The following B4GALNT3 variants were observed in gnomAD, a reference collection of about 807,000 sequenced individuals.
B4GALNT3 encodes beta-1,4-N-acetyl-galactosaminyltransferase 3.
Under a neutral mutation model 120.2 loss-of-function variants are expected in B4GALNT3, and 86 were observed. The observed-to-expected ratio is 0.72, with a 90% CI of 0.60 to 0.86. The LOEUF is 0.86. Ranked by LOEUF, B4GALNT3 falls within the 40% of genes least tolerant of loss-of-function variation. The pLI is 0.00. For missense variants in B4GALNT3, 1,167 were observed against 1,298.9 expected, an observed-to-expected ratio of 0.90 and a Z score of 1.56; for synonymous variants, 518 against 510.4, an observed-to-expected ratio of 1.01 and a Z score of -0.20.
chr12:552,142 A>C lies in B4GALNT3; in HGVS notation c.1187A>C (p.Glu396Ala). 15 of 1,611,784 alleles carry C rather than the reference A, an allele frequency of 9.3e-6. No individual in the cohort carries two copies. Among genetic ancestry groups the C allele is most frequent in the Non-Finnish European group, 1.3e-5 (15 of 1,177,906 alleles). ...ACCCACAATAAATGTTTCTACCAGG[A>C]AAACGCCTACTACCAAGACCGGTGA... The part of the protein sequence containing the change: ...METHNKCFYQ[E>A]NAYYQDRFSF... Residue 396 changes from glutamate (E) to alanine (A), a missense_variant, in exon 12 of 20, where the codon GAA (glutamate) becomes GCA (alanine). Transcript: ENST00000266383.
intron 5 of B4GALNT3, 29 bp from the exon 6 acceptor site, chr12:545,340 C>T: frequency 1.3e-6 from 2 of 1,593,232 alleles, no homozygotes; most frequent in Non-Finnish European, 1.7e-6. Context: ...CCTCCTTGCC[C>T]TCATCTGGAA....
intron 17 of B4GALNT3, 68 bp from the exon 18 acceptor site, chr12:558,440 T>C (rs1947185545): frequency 6.7e-7 from 1 of 1,488,788 alleles, no homozygotes. Context: ...AGGCTTCTCC[T>C]AGACGGCGAC....
At chr12:466,890 C>T (rs757361094) in intron 1 of B4GALNT3, among the ~76,000 whole-genome samples, 3 of 151,686 alleles carry the variant, frequency 2.0e-5, no homozygotes, top group Non-Finnish European at 4.4e-5. Flanking sequence ...AGTATATGTA[C>T]GGAAAGCTTG....
At chr12:525,550 T>C (rs1289485672) in intron 1 of B4GALNT3, among the ~76,000 whole-genome samples, 1 of 152,250 alleles carries the variant, frequency 6.6e-6, no homozygotes, top group African/African-American at 2.4e-5. Flanking sequence ...TCTTCAGTTT[T>C]TTCATTCTGG....
chr12:538,041 T>C (rs899978778), intron 3 of B4GALNT3, among the ~76,000 whole-genome samples: 3 of 152,222 alleles, frequency 2.0e-5, no homozygotes, highest in African/African-American at 7.2e-5. Context: ...GATAGTACTT[T>C]GAAAAGAACT....
intron 7 of B4GALNT3, 152 bp downstream of exon 7, chr12:546,865 C>T (rs1947014102): frequency 7.0e-6 from 5 of 715,646 alleles, no homozygotes; most frequent in East Asian, 5.4e-5. Context: ...GCTCAGAAGC[C>T]GCGAGCCCAT....
chr12:554,062 C>T, intron 14 of B4GALNT3, 79 bp downstream of exon 14: 5 of 959,352 alleles, frequency 5.2e-6, no homozygotes, highest in Non-Finnish European at 7.9e-6. Context: ...GGCCTAAGGG[C>T]TGGTAGTGGG....
intron 3 of B4GALNT3, among the ~76,000 whole-genome samples, chr12:537,283 T>A (rs1946870805): frequency 6.6e-6 from 1 of 152,212 alleles, no homozygotes; most frequent in Non-Finnish European, 1.5e-5. Context: ...GTGTGTCATC[T>A]TTTGGTTTTT....
rs1356849929 is a variant in B4GALNT3 at position 511,764 on chromosome 12, TCCA to T, written c.170-23399_170-23397del. On this transcript the variant is annotated intron_variant, in intron 1 of 19. Transcript: ENST00000266383. ...TTCCACCTTCCACCTTCTTCCACCT[TCCA>T]CCTTCCACCTTCTTCCACCTTCCAC... 3.6e-5 allele frequency among the ~76,000 whole-genome samples: 3 copies of T among 83,060 alleles called. 1 individual carries two copies. The highest frequency in any genetic ancestry group is 1.5e-4 in the African/African-American group (3 of 20,384). 54.5% of individuals were successfully genotyped at this position (83,060 alleles called of 152,430 possible).
At chr12:492,629 T>C (rs1946353598) in intron 1 of B4GALNT3, among the ~76,000 whole-genome samples, 1 of 152,184 alleles carries the variant, frequency 6.6e-6, no homozygotes, top group Non-Finnish European at 1.5e-5. Flanking sequence ...AAAATTTATA[T>C]GGAGAGGCAA....
intron 14 of B4GALNT3, 134 bp from the exon 15 acceptor site, chr12:556,413 T>C (rs910294134): frequency 1.3e-4 from 105 of 813,534 alleles, no homozygotes; most frequent in Non-Finnish European, 1.9e-4. Context: ...CCTGAGGCCC[T>C]ATAGCCAGCC....
intron 1 of B4GALNT3, among the ~76,000 whole-genome samples, chr12:471,572 G>T (rs889480544): frequency 6.6e-5 from 10 of 150,720 alleles, no homozygotes; most frequent in Non-Finnish European, 7.4e-5. Context: ...CTGGGCATGA[G>T]ATTACATGCC....
In B4GALNT3 at chr12:548,305, G is replaced by A; in HGVS notation, c.853+8G>A. The A allele has an allele frequency of 1.2e-6, 2 of 1,613,600 alleles. No homozygotes were observed. The highest frequency in any genetic ancestry group is 1.7e-6 in the Non-Finnish European group (2 of 1,179,528). ...CCCTGTCCCTCTTCACAAGTGAGTA[G>A]GCTCTGGCCCTGCCCTGGAGATGGA... On this transcript the variant is annotated splice_region_variant and intron_variant, in intron 9 of 19. Coordinates refer to ENST00000266383, the MANE Select transcript of B4GALNT3 (RefSeq NM_173593.4). This position sits in a 1 kb window ranked among gnomAD's most constrained non-coding sequence, Gnocchi z 4.9.
intron 15 of B4GALNT3, among the ~76,000 whole-genome samples, chr12:557,292 G>A (rs2120742491): frequency 6.6e-6 from 1 of 152,266 alleles, no homozygotes; most frequent in Non-Finnish European, 1.5e-5. Context: ...TACTAAGAGG[G>A]ACAGATAACA....
chr12:558,741 T>C lies in B4GALNT3; in HGVS notation c.2761+80T>C, dbSNP rs978656124. The C allele has an allele frequency of 1.1e-4, 162 of 1,460,234 alleles. No homozygotes were observed. In the East Asian group the frequency reaches 3.8e-3, roughly 34 times the overall value. 90.5% of individuals were successfully genotyped at this position (1,460,234 alleles called of 1,614,324 possible). On this transcript the variant is annotated intron_variant, in intron 18 of 19. Transcript: ENST00000266383. The stretch of plus-strand genomic sequence containing the variant: ...AACTCCAGAGCTGGGAACAGTCATA[T>C]CTATGAGCGTCAGCATCCTCCTCCC...
At position 549,794 on chromosome 12, in the gene B4GALNT3, G is replaced by A; in HGVS notation, c.879G>A (p.Glu293=). The change falls in exon 10 of 20, where the codon GAG becomes GAA. Residue 293 remains glutamate, a synonymous_variant. Transcript: ENST00000266383. ...ATGAGACGTTCCTACAGATGGATGA[G>A]GTGGGCCACATCCCACAGACAGCAG... ...FTNETFLQMD[E]VGHIPQTAAS... 1.2e-6 allele frequency: 2 copies of A among 1,613,774 alleles called. No homozygotes were observed. The highest frequency in any genetic ancestry group is 1.7e-6 in the Non-Finnish European group (2 of 1,180,030).
At chr12:557,995 C>T in intron 16 of B4GALNT3, 21 bp from the exon 17 acceptor site, 1 of 1,613,164 alleles carries the variant, frequency 6.2e-7, no homozygotes, top group Non-Finnish European at 8.5e-7. Context: ...TGATACGCAG[C>T]CCTCTCTCCC....
rs774151140 is a variant in B4GALNT3 at position 558,648 on chromosome 12, C to A, written c.2748C>A (p.Pro916=). The change falls in exon 18 of 20, where the codon CCC becomes CCA. Residue 916 remains proline, a synonymous_variant. Transcript: ENST00000266383. The part of the protein sequence containing the change: ...MVMRLHCGAT[P]QWPEGYWEVN... ...TGAGGCTGCATTGTGGGGCCACCCC[C>A]CAGTGGCCTGAGGGTGAGCCCTGCT... 5 of 1,613,948 alleles carry A rather than the reference C, an allele frequency of 3.1e-6. No individual in the cohort carries two copies. Among genetic ancestry groups the A allele is most frequent in the Non-Finnish European group, 4.2e-6 (5 of 1,179,972 alleles).
At chr12:482,803 G>A (rs1946254223) in intron 1 of B4GALNT3, among the ~76,000 whole-genome samples, 3 of 152,208 alleles carry the variant, frequency 2.0e-5, no homozygotes, top group Admixed American at 2.0e-4. Flanking sequence ...TGAGGCTGAA[G>A]TGATGTATGA....
Sources: gnomAD v4.1 joint callset for allele counts (sites outside exome capture counted in the v4.1 genomes callset) on GRCh38, gnomAD v4.1.1 for gene constraint, Gnocchi (gnomAD v3.1) non-coding constraint, MANE v1.5 for transcripts, NCBI Gene and HGNC (gene_info 2026-07-23, HGNC 2026-07-21) for gene names.